The following FARP1 variants were observed in gnomAD, a reference collection of about 807,000 sequenced individuals.
The protein encoded by FARP1 is FERM, ARH/RhoGEF and pleckstrin domain protein 1, also known as FERM, ARHGEF and pleckstrin domain-containing protein 1.
FARP1 carries 52 observed loss-of-function variants against 128.8 expected under a neutral mutation model. The ratio of observed to expected loss-of-function variants is 0.40; its 90% CI spans 0.32 to 0.51. The LOEUF (loss-of-function observed/expected upper bound fraction) is 0.51, where lower values mean the gene tolerates loss of function less well. Ranked by LOEUF, FARP1 falls within the 20% of genes least tolerant of loss-of-function variation. The probability of loss-of-function intolerance (pLI) is 0.45; values close to 1 mark genes in which losing one functional copy is unlikely to be tolerated. For synonymous variants in FARP1, 580 were observed against 551.8 expected (o/e 1.05, Z -0.72); for missense variants, 1,333 against 1,367.9 (o/e 0.97, Z 0.40).
chr13:98,410,037 G>C (rs1450846574), intron 14 of FARP1, among the ~76,000 whole-genome samples: 2 of 152,230 alleles, frequency 1.3e-5, no homozygotes, highest in African/African-American at 2.4e-5. Flanking sequence ...CCTTTTGGCT[G>C]CTGTGAACAT....
chr13:98,301,654 GA>G, intron 2 of FARP1, among the ~76,000 whole-genome samples: 1 of 152,322 alleles, frequency 6.6e-6, no homozygotes, highest in East Asian at 1.9e-4. Flanking sequence ...AGAACCTAAA[GA>G]AGAGGTGTTT....
chr13:98,156,630 A>G (rs1325596388), intron 1 of FARP1, among the ~76,000 whole-genome samples: 1 of 151,186 alleles, frequency 6.6e-6, no homozygotes, highest in Non-Finnish European at 1.5e-5. Context: ...CTGGTCTTGA[A>G]CTCCTGGCAT....
chr13:98,309,948 T>A (rs7330370), intron 2 of FARP1, among the ~76,000 whole-genome samples: 5,047 of 152,272 alleles, frequency 0.033, 237 homozygotes, highest in African/African-American at 0.1. Flanking sequence ...CCCCATACAC[T>A]TGGGATACTG....
chr13:98,206,908 G>A (rs1357825687), intron 1 of FARP1, among the ~76,000 whole-genome samples: 1 of 152,196 alleles, frequency 6.6e-6, no homozygotes, highest in African/African-American at 2.4e-5. Flanking sequence ...AAGAATTTCA[G>A]AAGTCAGGAA....
Position 98,377,754 on chromosome 13 carries a change from G to C in FARP1, c.399-67G>C, listed in dbSNP as rs148455086. ...GCATCCCTCTCCTTGGCCTCTCATG[G>C]TGAGGCCAGGTTCCCGGTGACCTCC... On this transcript the variant is annotated intron_variant, in intron 5 of 26. Transcript: ENST00000319562. The C allele has an allele frequency of 1.6e-3, 1,828 of 1,174,558 alleles. 18 individuals carry two copies. In the African/African-American group the frequency reaches 0.025, roughly 16 times the overall value. 72.8% of individuals were successfully genotyped at this position (1,174,558 alleles called of 1,614,324 possible). A position where few individuals can be genotyped will look rare whatever the true frequency, so the allele number is the denominator to read the frequency against.
Position 98,176,696 on chromosome 13 carries a change from C to T in FARP1, c.-24+33204C>T. 2.5e-6 allele frequency: 4 copies of T among 1,614,228 alleles called. No homozygotes were observed. Among genetic ancestry groups the T allele is most frequent in the Non-Finnish European group, 2.5e-6 (3 of 1,180,040 alleles). ...CAGCGCACAGTGGCGCGCAGATGCC[C>T]TGGCGCACGTATGGGGCCCTTCCTC... On this transcript the variant is annotated intron_variant, in intron 1 of 26. Transcript: ENST00000319562. The surrounding 1 kb of genome is among the most constrained non-coding windows in gnomAD (Gnocchi z 6.2).
rs771105203 is a variant in FARP1 at position 98,213,304 on chromosome 13, G to A, written c.62G>A (p.Gly21Glu). Reference protein sequence around the residue: ...GSRLGAPENSGISTLERGQKP... With the variant: ...GSRLGAPENSEISTLERGQKP... ...CGACTGGGGGCCCCGGAAAATTCGG[G>A]GATCAGTACCTTGGAACGTGGACAG... The change falls in exon 2 of 27, where the codon GGG becomes GAG. Residue 21 changes from glycine (G) to glutamate (E), a missense_variant. By Grantham distance (98) the Gly-to-Glu change is moderately conservative. Coordinates refer to ENST00000319562, the MANE Select transcript of FARP1 (RefSeq NM_005766.4). 13 of 1,613,962 alleles carry A rather than the reference G, an allele frequency of 8.1e-6. No individual in the cohort carries two copies. The East Asian group carries it at 2.0e-4, about 25-fold the overall frequency.
At chr13:98,167,452 C>G (rs1877349354) in intron 1 of FARP1, among the ~76,000 whole-genome samples, 1 of 150,780 alleles carries the variant, frequency 6.6e-6, no homozygotes, top group Non-Finnish European at 1.5e-5. Flanking sequence ...CTCTGTCACC[C>G]AGGCTGGAGT....
intron 17 of FARP1, among the ~76,000 whole-genome samples, chr13:98,429,558 G>A (rs1321431081): frequency 6.6e-6 from 1 of 152,192 alleles, no homozygotes; most frequent in Non-Finnish European, 1.5e-5. Flanking sequence ...ACTTGGGGAC[G>A]GGTTCATACA....
At chr13:98,409,055 G>A (rs544231303) in intron 13 of FARP1, among the ~76,000 whole-genome samples, 1 of 152,102 alleles carries the variant, frequency 6.6e-6, no homozygotes, top group Admixed American at 6.5e-5. Flanking sequence ...TTCCTATTTC[G>A]GGATACACTA....
rs763445579 is a variant in FARP1, at chr13:98,431,267, C to T, written c.2130C>T (p.Phe710=). Residue 710 remains phenylalanine (F), a synonymous_variant, in exon 18 of 27, where the codon TTC becomes TTT. Transcript: ENST00000319562. The part of the protein sequence containing the change: ...CKHHPPSHAD[F]RDCRAALAEI... ...ACCACCCGCCGAGCCACGCCGACTT[C>T]AGGGACTGCCGAGGTGAGTGCTGGG... is the stretch of plus-strand genomic sequence containing the variant. 6.3e-7 allele frequency: 1 copy of T among 1,588,552 alleles called. No individual in the cohort carries two copies. The highest frequency in any genetic ancestry group is 1.8e-4 in the Middle Eastern group (1 of 5,432).
intron 10 of FARP1, 125 bp from the exon 11 acceptor site, chr13:98,390,687 C>G (rs1341573116): frequency 1.3e-5 from 9 of 709,562 alleles, no homozygotes; most frequent in Non-Finnish European, 2.2e-5. Flanking sequence ...TCCTGGCTAG[C>G]CAAGCAACCC....
intron 1 of FARP1, among the ~76,000 whole-genome samples, chr13:98,150,406 C>T (rs1875911324): frequency 6.6e-6 from 1 of 152,164 alleles, no homozygotes; most frequent in African/African-American, 2.4e-5. Context: ...ATACAGTAAA[C>T]TGCACATTCT....
chr13:98,254,499 C>T (rs962411421), intron 2 of FARP1, among the ~76,000 whole-genome samples: 1 of 152,142 alleles, frequency 6.6e-6, no homozygotes, highest in Non-Finnish European at 1.5e-5. Flanking sequence ...GGTATTCTAT[C>T]CCAGTGATCA....
chr13:98,254,357 C>A (rs879639374), intron 2 of FARP1, among the ~76,000 whole-genome samples: 3 of 152,166 alleles, frequency 2.0e-5, no homozygotes, highest in African/African-American at 4.8e-5. Flanking sequence ...CCAGTTATAT[C>A]ATCTGTAAAG....
At chr13:98,237,681 A>G (rs534660071) in intron 2 of FARP1, among the ~76,000 whole-genome samples, 1 of 152,214 alleles carries the variant, frequency 6.6e-6, no homozygotes, top group Non-Finnish European at 1.5e-5. Flanking sequence ...AAGTGGCACC[A>G]TTGATTCTGG....
chr13:98,438,238 A>C (rs1892367820), intron 19 of FARP1, among the ~76,000 whole-genome samples: 1 of 152,070 alleles, frequency 6.6e-6, no homozygotes, highest in African/African-American at 2.4e-5. Context: ...TCCTCAACGC[A>C]GTTACTGCTC....
At chr13:98,209,586 C>T (rs1366369820) in intron 1 of FARP1, among the ~76,000 whole-genome samples, 2 of 138,880 alleles carry the variant, frequency 1.4e-5, no homozygotes, top group Non-Finnish European at 3.1e-5. Flanking sequence ...TACTTGAGGT[C>T]AGGAGTTCAA....
In FARP1 at chr13:98,439,982, TG is replaced by T; in HGVS notation, c.2461del (p.Val821CysfsTer5). ...GMTIEESEDE[W>X]GVPHCLTLRG... ...ACAGATTGAGGAGAGCGAAGACGAG[TG>T]GGGGGTGCCCCACTGCCTGACCCTC... On this transcript the variant is annotated frameshift_variant, in exon 22 of 27. Transcript: ENST00000319562. LOFTEE classifies it high-confidence loss of function. 9 of 1,588,056 alleles carry T rather than the reference TG, an allele frequency of 5.7e-6. No individual in the cohort carries two copies. The highest frequency in any genetic ancestry group is 1.1e-5 in the South Asian group (1 of 88,352).
Sources: gnomAD v4.1 joint callset for allele counts (sites outside exome capture counted in the v4.1 genomes callset) on GRCh38, gnomAD v4.1.1 for gene constraint, Gnocchi (gnomAD v3.1) non-coding constraint, MANE v1.5 for transcripts, NCBI Gene and HGNC (gene_info 2026-07-23, HGNC 2026-07-21) for gene names.